The following PRKD1 variants were observed in gnomAD, a reference collection of about 807,000 sequenced individuals.
PRKD1 encodes the protein serine/threonine-protein kinase D1.
PRKD1 carries 63 observed loss-of-function variants against 95.9 expected under a neutral mutation model. That is an observed-to-expected ratio of 0.66 (90% confidence interval 0.54 to 0.81). PRKD1 has a LOEUF of 0.81. PRKD1 is among the 30% of genes least tolerant of loss of function. The pLI is 0.00. For synonymous variants in PRKD1, 425 were observed against 423.1 expected (o/e 1.00, Z -0.05); for missense variants, 1,048 against 1,165.3 (o/e 0.90, Z 1.47).
At chr14:29,651,627 T>G (rs1459888203) in intron 4 of PRKD1, among the ~76,000 whole-genome samples, 7 of 152,044 alleles carry the variant, frequency 4.6e-5, no homozygotes, top group Non-Finnish European at 1.5e-5. Context: ...CTTCTCATTA[T>G]TATTTCTTCT....
At chr14:29,687,121 C>A (rs1245019667) in intron 2 of PRKD1, among the ~76,000 whole-genome samples, 1 of 151,738 alleles carries the variant, frequency 6.6e-6, no homozygotes, top group Non-Finnish European at 1.5e-5. Flanking sequence ...CAACATATTT[C>A]TTTTAATACT....
At chr14:29,801,916 G>A (rs1890049008) in intron 1 of PRKD1, among the ~76,000 whole-genome samples, 1 of 152,176 alleles carries the variant, frequency 6.6e-6, no homozygotes, top group African/African-American at 2.4e-5. Context: ...TCAAACTCCT[G>A]ACCTCAGGTG....
intron 1 of PRKD1, among the ~76,000 whole-genome samples, chr14:29,888,093 A>C (rs1451888366): frequency 6.6e-6 from 1 of 152,070 alleles, no homozygotes; most frequent in African/African-American, 2.4e-5. Flanking sequence ...TTGAGTCCAA[A>C]AGTTTGAGAC....
At chr14:29,606,053 C>T (rs1377691361) in intron 13 of PRKD1, among the ~76,000 whole-genome samples, 2 of 151,966 alleles carry the variant, frequency 1.3e-5, no homozygotes, top group Non-Finnish European at 2.9e-5. Context: ...CACTCTCTTG[C>T]CCAGGCTGGA....
intron 1 of PRKD1, among the ~76,000 whole-genome samples, chr14:29,769,394 C>A (rs1405287268): frequency 6.6e-6 from 1 of 151,964 alleles, no homozygotes; most frequent in East Asian, 1.9e-4. Flanking sequence ...CATACTGAGA[C>A]CCCATCTCCA....
intron 1 of PRKD1, among the ~76,000 whole-genome samples, chr14:29,907,096 T>C (rs565364636): frequency 6.6e-6 from 1 of 152,322 alleles, no homozygotes; most frequent in Admixed American, 6.5e-5. Context: ...TCAACAAATA[T>C]TTATTCAGGC....
intron 1 of PRKD1, among the ~76,000 whole-genome samples, chr14:29,739,695 C>T (rs1351278092): frequency 6.6e-6 from 1 of 152,128 alleles, no homozygotes; most frequent in African/African-American, 2.4e-5. Context: ...TAAAGCTAGA[C>T]TATAAATCCT....
intron 1 of PRKD1, among the ~76,000 whole-genome samples, chr14:29,844,329 A>G (rs930567529): frequency 6.6e-5 from 10 of 152,228 alleles, no homozygotes; most frequent in Non-Finnish European, 2.9e-5. Context: ...AACTTTTAGC[A>G]TAAGAAATAC....
chr14:29,577,537 T>C (rs879222773), intron 17 of PRKD1, 81 bp from the exon 18 acceptor site: 3 of 1,334,464 alleles, frequency 2.2e-6, no homozygotes, highest in Non-Finnish European at 3.2e-6. Context: ...GTTTCTGCAA[T>C]CTATGAGTTA....
At chr14:29,835,932 C>T (rs1891595193) in intron 1 of PRKD1, among the ~76,000 whole-genome samples, 1 of 152,100 alleles carries the variant, frequency 6.6e-6, no homozygotes, top group African/African-American at 2.4e-5. Context: ...TCCAGGACCC[C>T]TTTTCATAGT....
intron 1 of PRKD1, among the ~76,000 whole-genome samples, chr14:29,831,145 C>G (rs1030080025): frequency 6.6e-6 from 1 of 152,120 alleles, no homozygotes; most frequent in African/African-American, 2.4e-5. Flanking sequence ...GAGTTAAGTG[C>G]TCTACGTGGT....
rs58908662 is a variant in PRKD1, at chr14:29,734,028, C to CTTTTTTTTTTT, written c.265-8365_265-8355dup. ...CTGGTTTTGAGTCATACTTTCCTGC[C>CTTTTTTTTTTT]TTTTTTTTTTTTTTTTTTTTTTTTT... On this transcript the variant is annotated intron_variant, in intron 1 of 17. Transcript: ENST00000331968. 1.3e-3 allele frequency among the ~76,000 whole-genome samples: 84 copies of CTTTTTTTTTTT among 64,670 alleles called. 14 individuals are homozygous for CTTTTTTTTTTT. The highest frequency in any genetic ancestry group is 4.2e-3 in the African/African-American group (54 of 12,728). The allele number at this position is 64,670 out of a possible 152,430, so 42.4% of individuals were successfully genotyped here.
intron 1 of PRKD1, among the ~76,000 whole-genome samples, chr14:29,849,866 C>A (rs1892236081): frequency 1.3e-5 from 2 of 152,140 alleles, no homozygotes; most frequent in African/African-American, 4.8e-5. Flanking sequence ...ATCTAGTCGA[C>A]TTTATTCCCA....
At chr14:29,673,657 G>A (rs887443378) in intron 2 of PRKD1, among the ~76,000 whole-genome samples, 6 of 152,166 alleles carry the variant, frequency 3.9e-5, no homozygotes, top group African/African-American at 9.7e-5. Context: ...ATTAATTCTC[G>A]TAGTTAAACA....
intron 2 of PRKD1, among the ~76,000 whole-genome samples, chr14:29,688,306 C>G (rs1292105266): frequency 1.3e-5 from 2 of 152,162 alleles, no homozygotes; most frequent in African/African-American, 2.4e-5. Flanking sequence ...AACTTAATCA[C>G]ATTTGCAACC....
chr14:29,799,991 G>A (rs1156839054), intron 1 of PRKD1, among the ~76,000 whole-genome samples: 1 of 152,084 alleles, frequency 6.6e-6, no homozygotes, highest in East Asian at 1.9e-4. Context: ...GTGCCGTCTA[G>A]TGTTCCTAAG....
At chr14:29,863,798 G>T (rs1287562146) in intron 1 of PRKD1, among the ~76,000 whole-genome samples, 4 of 152,040 alleles carry the variant, frequency 2.6e-5, no homozygotes, top group African/African-American at 7.2e-5. Context: ...TATATCTGGA[G>T]AACTGTGTCA....
At chr14:29,616,364 T>C (rs1878858920) in intron 13 of PRKD1, among the ~76,000 whole-genome samples, 1 of 151,054 alleles carries the variant, frequency 6.6e-6, no homozygotes, top group Non-Finnish European at 1.5e-5. Context: ...GAGCACAAAT[T>C]TGAAGTGTGG....
Position 29,619,460 on chromosome 14 carries a change from A to T in PRKD1, c.1905+4692T>A, listed in dbSNP as rs542611406. 2.0e-5 allele frequency among the ~76,000 whole-genome samples: 3 copies of T among 152,330 alleles called. No individual in the cohort carries two copies. In the South Asian group the frequency reaches 6.2e-4, roughly 32 times the overall value. On this transcript the variant is annotated intron_variant, in intron 13 of 17. Coordinates refer to ENST00000331968, the MANE Select transcript of PRKD1 (RefSeq NM_002742.3). The stretch of plus-strand genomic sequence containing the variant: ...TATTTAGCAGCTAATATATGCCAGG[A>T]ACAATTTCTGGCAGTGGGGATACAT...
Sources: gnomAD v4.1 joint callset for allele counts (sites outside exome capture counted in the v4.1 genomes callset) on GRCh38, gnomAD v4.1.1 for gene constraint, MANE v1.5 for transcripts, NCBI Gene and HGNC (gene_info 2026-07-23, HGNC 2026-07-21) for gene names.